Variants in CSMD3 observed in about 807,000 individuals in gnomAD.
CSMD3 encodes CUB and Sushi multiple domains 3, also known as CUB and sushi domain-containing protein 3.
Under a neutral mutation model 435.2 loss-of-function variants are expected in CSMD3, and 177 were observed. The observed-to-expected ratio is 0.41, with a 90% CI of 0.36 to 0.46. The LOEUF is 0.46. Among genes scored for constraint, CSMD3 ranks in the 20% least tolerant of loss-of-function variants. CSMD3 has a pLI of 0.34. For synonymous variants in CSMD3, 1,656 were observed against 1,520.5 expected (o/e 1.09, Z -2.07); for missense variants, 4,265 against 4,504.6 (o/e 0.95, Z 1.52).
At chr8:112,266,702 G>A (rs939394719) in intron 59 of CSMD3, among the ~76,000 whole-genome samples, 8 of 152,026 alleles carry the variant, frequency 5.3e-5, no homozygotes, top group African/African-American at 1.7e-4. Context: ...AGACAGCTTA[G>A]AAACACAAAT....
chr8:112,708,540 T>C (rs1314393217), intron 13 of CSMD3, among the ~76,000 whole-genome samples: 1 of 151,770 alleles, frequency 6.6e-6, no homozygotes, highest in Non-Finnish European at 1.5e-5. Flanking sequence ...AGGATAAAAC[T>C]TGCAACTTGT....
In CSMD3 at chr8:113,382,110, G is replaced by T. The variant is rs1437772632; in HGVS notation, c.178+54567C>A. ...TTTTGGGCTGCATATCTGAACATCT[G>T]CTTAGAGTCCTAGATGTGGAATTGT... On this transcript the variant is annotated intron_variant, in intron 1 of 70. Transcript: ENST00000297405. Among the ~76,000 whole-genome samples the T allele has an allele frequency of 2.6e-5, 4 of 152,018 alleles. No individual in the cohort carries two copies. The East Asian group carries it at 5.8e-4, about 22-fold the overall frequency.
chr8:112,526,245 A>C (rs1027182457), intron 27 of CSMD3, among the ~76,000 whole-genome samples: 2 of 152,026 alleles, frequency 1.3e-5, no homozygotes, highest in Non-Finnish European at 2.9e-5. Flanking sequence ...AAAATCATTC[A>C]ATATCATAGT....
At chr8:113,385,132 C>G (rs2094433999) in intron 1 of CSMD3, among the ~76,000 whole-genome samples, 1 of 152,092 alleles carries the variant, frequency 6.6e-6, no homozygotes, top group Non-Finnish European at 1.5e-5. Context: ...AGTCAATTTT[C>G]TGAAAACCCT....
chr8:112,899,599 T>TTATATATATATATATATATATATA (rs71309794), intron 10 of CSMD3, among the ~76,000 whole-genome samples: 20 of 100,002 alleles, frequency 2.0e-4, no homozygotes, highest in South Asian at 7.1e-4. Context: ...CTTGTCTATT[T>TTATATATATATATATATATATATA]TATATATATA....
At chr8:113,229,687 T>C (rs1321158925) in intron 3 of CSMD3, among the ~76,000 whole-genome samples, 4 of 151,542 alleles carry the variant, frequency 2.6e-5, no homozygotes, top group Non-Finnish European at 5.9e-5. Context: ...GACATAGATT[T>C]CCCTCTCTAA....
chr8:112,493,873 A>G (rs1820949970), intron 30 of CSMD3, among the ~76,000 whole-genome samples: 1 of 152,126 alleles, frequency 6.6e-6, no homozygotes, highest in Non-Finnish European at 1.5e-5. Context: ...CGTAAAGGCC[A>G]TTACAATAAA....
chr8:113,342,590 C>T (rs1410999069), intron 1 of CSMD3, among the ~76,000 whole-genome samples: 1 of 152,094 alleles, frequency 6.6e-6, no homozygotes, highest in East Asian at 1.9e-4. Flanking sequence ...CTAGACGTGA[C>T]TCAACTCGAC....
At chr8:112,575,380 A>G (rs2131308998) in intron 23 of CSMD3, among the ~76,000 whole-genome samples, 1 of 152,174 alleles carries the variant, frequency 6.6e-6, no homozygotes, top group Non-Finnish European at 1.5e-5. Flanking sequence ...TAGAAATAAG[A>G]GAAAGTAAGG....
rs1283270876 is a variant in CSMD3 at position 112,619,150 on chromosome 8, G to A, written c.3715+17667C>T. ...TAATATTACTTTTCCTGCTTTCTCT[G>A]AAGTTTTCTTAATTAGTGGCTATTC... is the stretch of plus-strand genomic sequence containing the variant. On this transcript the variant is annotated intron_variant, in intron 22 of 70. Transcript: ENST00000297405. Among the ~76,000 whole-genome samples the A allele has an allele frequency of 4.6e-5, 7 of 151,970 alleles. No individual in the cohort carries two copies. In the East Asian group the frequency reaches 9.7e-4, roughly 21 times the overall value.
At chr8:112,386,022 T>G (rs1353465473) in intron 36 of CSMD3, among the ~76,000 whole-genome samples, 3 of 152,096 alleles carry the variant, frequency 2.0e-5, no homozygotes, top group Admixed American at 1.3e-4. Context: ...AGATTCGACA[T>G]TCATAGAAGA....
chr8:112,337,608 T>C lies in CSMD3; in HGVS notation c.6776A>G (p.Asn2259Ser), dbSNP rs757259303. 1 of 1,613,834 alleles carries C rather than the reference T, an allele frequency of 6.2e-7. No individual in the cohort carries two copies. The highest frequency in any genetic ancestry group is 8.5e-7 in the Non-Finnish European group (1 of 1,179,758). Residue 2259 changes from asparagine (N) to serine (S), a missense_variant, in exon 43 of 71, where the codon AAT (asparagine) becomes AGT (serine). Asn to Ser is a conservative substitution (Grantham distance 46). Coordinates refer to ENST00000297405, the MANE Select transcript of CSMD3 (RefSeq NM_198123.2). Reference protein sequence around the residue: ...ECFPGYTLIGNSALTCLHGVS... With the variant: ...ECFPGYTLIGSSALTCLHGVS... Reference sequence around the variant, plus strand: ...TCCGTGAAGGCATGTGAGAGCTGAATTTCCAATTAATGTGTATCCTGGGAA... The same window carrying C: ...TCCGTGAAGGCATGTGAGAGCTGAACTTCCAATTAATGTGTATCCTGGGAA...
intron 22 of CSMD3, among the ~76,000 whole-genome samples, chr8:112,626,251 C>T (rs983767721): frequency 2.6e-5 from 4 of 152,114 alleles, no homozygotes; most frequent in Non-Finnish European, 2.9e-5. Context: ...AAGCCCACCC[C>T]TGTTGATGCC....
intron 26 of CSMD3, among the ~76,000 whole-genome samples, chr8:112,551,742 A>T (rs1310456589): frequency 6.6e-6 from 1 of 152,128 alleles, no homozygotes; most frequent in Non-Finnish European, 1.5e-5. Flanking sequence ...ACCAACTCAC[A>T]CTGCATCCAT....
rs1404118798 is a variant in CSMD3, at chr8:112,330,460, A to G, written c.7165+4869T>C. On this transcript the variant is annotated intron_variant, in intron 45 of 70. Transcript: ENST00000297405. Reference sequence around the variant, plus strand: ...TGGATAATTGGCTTAAACACCATAAAATAATTTCGGTATTAAATTAGTAAA... The same window carrying G: ...TGGATAATTGGCTTAAACACCATAAGATAATTTCGGTATTAAATTAGTAAA... 3.3e-5 allele frequency among the ~76,000 whole-genome samples: 5 copies of G among 152,076 alleles called. No homozygotes were observed. The East Asian group carries it at 9.6e-4, about 29-fold the overall frequency.
intron 31 of CSMD3, among the ~76,000 whole-genome samples, chr8:112,485,940 CTTT>C (rs549602181): frequency 2.2e-5 from 3 of 139,114 alleles, no homozygotes; most frequent in African/African-American, 5.3e-5. Context: ...TGACTTAAAT[CTTT>C]TTTTTTTTTT....
At chr8:112,877,398 C>T (rs117130052) in intron 10 of CSMD3, among the ~76,000 whole-genome samples, 3,090 of 151,906 alleles carry the variant, frequency 0.02, 34 homozygotes, top group Non-Finnish European at 0.032. Flanking sequence ...TCTTGAGTAG[C>T]TGGAATAACA....
chr8:113,103,494 A>G (rs1404262952), intron 4 of CSMD3, among the ~76,000 whole-genome samples: 1 of 152,142 alleles, frequency 6.6e-6, no homozygotes, highest in Non-Finnish European at 1.5e-5. Context: ...GGGATCAATA[A>G]AGACAATGTG....
At chr8:112,788,159 A>G (rs149039103) in intron 13 of CSMD3, among the ~76,000 whole-genome samples, 1 of 152,260 alleles carries the variant, frequency 6.6e-6, no homozygotes, top group East Asian at 1.9e-4. Context: ...TGATTCCCCT[A>G]CTTTAATAAA....
Sources: allele counts gnomAD v4.1 joint callset (sites outside exome capture counted in the v4.1 genomes callset), GRCh38; gene constraint gnomAD v4.1.1; transcripts MANE v1.5; gene names NCBI Gene and HGNC (gene_info 2026-07-23, HGNC 2026-07-21).